KCNT1: variants seen among roughly 807,000 people sequenced by gnomAD.
KCNT1 encodes potassium sodium-activated channel subfamily T member 1, also known as potassium channel subfamily T member 1.
KCNT1 carries 78 observed loss-of-function variants against 147.8 expected under a neutral mutation model. The ratio of observed to expected loss-of-function variants is 0.53; its 90% CI spans 0.44 to 0.64. KCNT1 has a LOEUF of 0.64. Among genes scored for constraint, KCNT1 ranks in the 30% least tolerant of loss-of-function variants. KCNT1 has a pLI of 0.00. For synonymous variants in KCNT1, 867 were observed against 748.8 expected, an observed-to-expected ratio of 1.16 and a Z score of -2.58; for missense variants, 1,419 against 1,750.3, an observed-to-expected ratio of 0.81 and a Z score of 3.38.
At chr9:135,715,929 C>G (rs1835704310) in intron 2 of KCNT1, among the ~76,000 whole-genome samples, 1 of 152,128 alleles carries the variant, frequency 6.6e-6, no homozygotes, top group African/African-American at 2.4e-5. Flanking sequence ...GCAGAGAGGC[C>G]TTTTAAACTT....
At position 135,793,744 on chromosome 9, in the gene KCNT1, C is replaced by G. The variant is rs1834701250; in HGVS notation, c.*1583C>G. On this transcript the variant is annotated 3_prime_UTR_variant, in exon 31 of 31. Transcript: ENST00000371757. ...TGGAACCCTCCTGCTCAGAAGGTGC[C>G]CACTAGCCCTCTGTGGGGGACAGAG... The G allele has an allele frequency of 6.6e-6, 1 of 152,388 alleles. No homozygotes were observed. Among genetic ancestry groups the G allele is most frequent in the Admixed American group, 6.5e-5 (1 of 15,290 alleles). 9.4% of individuals were successfully genotyped at this position (152,388 alleles called of 1,614,324 possible).
chr9:135,732,016 A>AGGGAGG (rs1564328221), intron 2 of KCNT1, among the ~76,000 whole-genome samples: 2 of 114,716 alleles, frequency 1.7e-5, no homozygotes, highest in African/African-American at 6.6e-5. Flanking sequence ...AGAGAGAGAG[A>AGGGAGG]GAGAGAGAGA....
At position 135,783,458 on chromosome 9, in the gene KCNT1, C is replaced by T. The variant is rs748119958; in HGVS notation, c.2842-566C>T. Among the ~76,000 whole-genome samples, 15 of 152,358 alleles carry T rather than the reference C, an allele frequency of 9.8e-5. No homozygotes were observed. In the East Asian group the frequency reaches 1.4e-3, roughly 14 times the overall value. On this transcript the variant is annotated intron_variant, in intron 24 of 30. Transcript: ENST00000371757. Reference sequence around the variant, plus strand: ...TCCAGCCTGAGACACCTCAAACTCCCGACTCCAGAAACGGGAGAGAGGAGA... The same window carrying T: ...TCCAGCCTGAGACACCTCAAACTCCTGACTCCAGAAACGGGAGAGAGGAGA...
chr9:135,719,326 C>T (rs1438321802), intron 2 of KCNT1, among the ~76,000 whole-genome samples: 3 of 152,200 alleles, frequency 2.0e-5, no homozygotes, highest in Non-Finnish European at 2.9e-5. Context: ...TGGGTCCTGA[C>T]GGTGTCCCCG....
intron 11 of KCNT1, among the ~76,000 whole-genome samples, chr9:135,761,271 G>A (rs147065123): frequency 3.3e-5 from 5 of 152,218 alleles, no homozygotes; most frequent in East Asian, 1.9e-4. Context: ...TGTAAAGCTC[G>A]CCTCTCACCT....
At chr9:135,760,079 G>A (rs1332544272) in intron 11 of KCNT1, among the ~76,000 whole-genome samples, 1 of 152,156 alleles carries the variant, frequency 6.6e-6, no homozygotes, top group Admixed American at 6.5e-5. Flanking sequence ...GGAGTCCCGT[G>A]AGCTGGCCTC....
Position 135,765,705 on chromosome 9 carries a change from C to T in KCNT1, c.1282C>T (p.Arg428Trp), listed in dbSNP as rs373755663. ...CCTGCAGATCCCTCTGTGGTCCCAG[C>T]GGGTCATCTACCTCCAGGGCTCTGC... ...RVLQIPLWSQ[R>W]VIYLQGSALK... The change falls in exon 13 of 31, where the codon CGG becomes TGG. Residue 428 changes from arginine (R) to tryptophan (W), a missense_variant. Arg to Trp is a moderately radical substitution (Grantham distance 101, BLOSUM62 -3). Transcript: ENST00000371757. The T allele has an allele frequency of 6.9e-6, 11 of 1,597,242 alleles. No individual in the cohort carries two copies. Among genetic ancestry groups the T allele is most frequent in the African/African-American group, 1.3e-5 (1 of 74,374 alleles).
intron 16 of KCNT1, 85 bp downstream of exon 16, chr9:135,770,140 T>G: frequency 7.1e-7 from 1 of 1,405,548 alleles, no homozygotes; most frequent in Non-Finnish European, 9.7e-7. Flanking sequence ...GGGGCGGGGA[T>G]GGGCTTCCCA....
chr9:135,757,724 G>A (rs921691302), intron 9 of KCNT1, among the ~76,000 whole-genome samples: 2 of 152,128 alleles, frequency 1.3e-5, no homozygotes, highest in South Asian at 2.1e-4. Context: ...CTGGGGCCAC[G>A]GGGCCACAGG....
chr9:135,770,429 C>T lies in KCNT1; in HGVS notation c.1751C>T (p.Ala584Val), dbSNP rs1423355423. 3.1e-6 allele frequency: 5 copies of T among 1,611,806 alleles called. No individual in the cohort carries two copies. Among genetic ancestry groups the T allele is most frequent in the Non-Finnish European group, 3.4e-6 (4 of 1,179,142 alleles). Reference protein sequence around the residue: ...EYEGKSFTYAAFHAHKKYGVC... With the variant: ...EYEGKSFTYAVFHAHKKYGVC... Reference sequence around the variant, plus strand: ...GAGGGCAAGAGCTTCACCTACGCGGCCTTCCACGCCCACAAGAAGTAAGGC... The same window carrying T: ...GAGGGCAAGAGCTTCACCTACGCGGTCTTCCACGCCCACAAGAAGTAAGGC... Residue 584 changes from alanine to valine, a missense_variant, in exon 17 of 31, where the codon GCC becomes GTC. This residue lies in a region of KCNT1 where 284 missense variants were observed against 292.8 expected (regional missense o/e 0.97). Transcript: ENST00000371757.
chr9:135,714,703 CT>C lies in KCNT1; in HGVS notation c.239del (p.Phe80SerfsTer34). 6.9e-7 allele frequency: 1 copy of C among 1,445,748 alleles called. No individual in the cohort carries two copies. The highest frequency in any genetic ancestry group is 3.2e-5 in the East Asian group (1 of 31,458). 89.6% of individuals were successfully genotyped at this position (1,445,748 alleles called of 1,614,324 possible). A position where few individuals can be genotyped will look rare whatever the true frequency, so the allele number is the denominator to read the frequency against. The stretch of plus-strand genomic sequence containing the variant: ...GGGACCTGCTGCTGGGCGACCCGTC[CT>C]TCCAGAACGACGACAGGTAGGGACC... ...FRDLLLGDPSFQNDDRVQVEF... is the reference protein window; with the variant it reads ...FRDLLLGDPSXQNDDRVQVEF... On this transcript the variant is annotated frameshift_variant, in exon 2 of 31. Transcript: ENST00000371757. LOFTEE classifies it high-confidence loss of function. This position sits in a 1 kb window ranked among gnomAD's most constrained non-coding sequence, Gnocchi z 6.2.
intron 11 of KCNT1, among the ~76,000 whole-genome samples, chr9:135,760,958 C>T (rs1481585002): frequency 5.9e-5 from 9 of 152,164 alleles, no homozygotes; most frequent in African/African-American, 1.9e-4. Flanking sequence ...GTGGCTTTCC[C>T]GTTACTTCCT....
chr9:135,751,066 C>T (rs10122976), intron 4 of KCNT1, 25 bp downstream of exon 4: 5 of 1,597,426 alleles, frequency 3.1e-6, no homozygotes, highest in Admixed American at 1.7e-5. Context: ...CGGCCGGGCG[C>T]GGGGTCCCGG....
rs1168184548 is a variant in KCNT1, at chr9:135,786,529, C to T, written c.3502+8C>T. The T allele has an allele frequency of 3.8e-6, 6 of 1,580,744 alleles. No individual in the cohort carries two copies. Among genetic ancestry groups the T allele is most frequent in the Non-Finnish European group, 4.3e-6 (5 of 1,167,752 alleles). On this transcript the variant is annotated splice_region_variant and intron_variant, in intron 29 of 30. Coordinates refer to ENST00000371757, the MANE Select transcript of KCNT1 (RefSeq NM_020822.3). Reference sequence around the variant, plus strand: ...TGCCCACCACCGGCTACGGTAAGGGCACACGGCGCGGGTGGGGGCCGGACG... The same window carrying T: ...TGCCCACCACCGGCTACGGTAAGGGTACACGGCGCGGGTGGGGGCCGGACG...
Position 135,771,050 on chromosome 9 carries a change from G to A in KCNT1, c.1963G>A (p.Glu655Lys), listed in dbSNP as rs770039542. 1.6e-5 allele frequency: 25 copies of A among 1,612,338 alleles called. No homozygotes were observed. The highest frequency in any genetic ancestry group is 4.5e-5 in the East Asian group (2 of 44,848). ...KRAFSGQGLH[E>K]GPARLPVHSI... ...GGCCTTCTCGGGGCAGGGGCTGCAC[G>A]AGGGTCCGGCCCGCCTGCCCGTGCA... Residue 655 changes from glutamate to lysine, a missense_variant, in exon 18 of 31, where the codon GAG (glutamate) becomes AAG (lysine). By Grantham distance (56) the Glu-to-Lys change is moderately conservative. Transcript: ENST00000371757.
chr9:135,713,660 CT>C (rs894183306), intron 1 of KCNT1, among the ~76,000 whole-genome samples: 9 of 152,352 alleles, frequency 5.9e-5, no homozygotes, highest in East Asian at 1.9e-4. Flanking sequence ...TCCATCCCCC[CT>C]CTGCTCTCCT....
chr9:135,719,903 C>T (rs1316505714), intron 2 of KCNT1, among the ~76,000 whole-genome samples: 1 of 152,346 alleles, frequency 6.6e-6, no homozygotes, highest in African/African-American at 2.4e-5. Context: ...CCTGACCAGG[C>T]TGTTTCATTA....
intron 6 of KCNT1, among the ~76,000 whole-genome samples, chr9:135,755,641 T>G (rs930304344): frequency 6.0e-5 from 9 of 149,358 alleles, no homozygotes; most frequent in African/African-American, 2.2e-4. Context: ...CCAGGCTCAG[T>G]AAGCAGGGAA....
At chr9:135,710,101 T>G (rs923577111) in intron 1 of KCNT1, among the ~76,000 whole-genome samples, 1 of 152,218 alleles carries the variant, frequency 6.6e-6, no homozygotes, top group Non-Finnish European at 1.5e-5. Context: ...CTTTTGCCAG[T>G]GATGTCTTTT....
Sources: allele counts gnomAD v4.1 joint callset (sites outside exome capture counted in the v4.1 genomes callset), GRCh38; gene constraint gnomAD v4.1.1; regional missense constraint gnomAD v4.1.1; non-coding constraint Gnocchi (gnomAD v3.1); transcripts MANE v1.5; gene names NCBI Gene and HGNC (gene_info 2026-07-23, HGNC 2026-07-21).